PLCH1: variants seen among roughly 807,000 people sequenced by gnomAD.
PLCH1 encodes the protein 1-phosphatidylinositol 4,5-bisphosphate phosphodiesterase eta-1.
PLCH1 carries 60 observed loss-of-function variants against 126.7 expected under a neutral mutation model. The ratio of observed to expected loss-of-function variants is 0.47; its 90% CI spans 0.38 to 0.59. PLCH1 has a LOEUF of 0.59. Ranked by LOEUF, PLCH1 falls within the 20% of genes least tolerant of loss-of-function variation. PLCH1 has a pLI of 0.00. For missense variants in PLCH1, 1,723 were observed against 2,040.0 expected (o/e 0.84, Z 2.99); for synonymous variants, 719 against 734.9 (o/e 0.98, Z 0.35).
intron 1 of PLCH1, among the ~76,000 whole-genome samples, chr3:155,715,606 C>CTTTTT (rs763813354): frequency 8.1e-6 from 1 of 122,762 alleles, no homozygotes; most frequent in South Asian, 2.7e-4. Context: ...CATCTGGCCT[C>CTTTTT]TTTTTTTTTT....
chr3:155,520,100 G>T (rs1477801847), intron 11 of PLCH1, among the ~76,000 whole-genome samples: 1 of 152,172 alleles, frequency 6.6e-6, no homozygotes, highest in African/African-American at 2.4e-5. Flanking sequence ...CTTCCAGGGA[G>T]ATTCCAAGTC....
intron 2 of PLCH1, among the ~76,000 whole-genome samples, chr3:155,655,505 T>C (rs1741256828): frequency 6.6e-6 from 1 of 152,194 alleles, no homozygotes; most frequent in Non-Finnish European, 1.5e-5. Flanking sequence ...CATCTTTATT[T>C]TATTGGATCA....
At position 155,481,750 on chromosome 3, in the gene PLCH1, A is replaced by T; in HGVS notation, c.4276T>A (p.Tyr1426Asn). Residue 1426 changes from tyrosine (Y) to asparagine (N), a missense_variant, in exon 23 of 23, where the codon TAT (tyrosine) becomes AAT (asparagine). Around this residue, in one of 2 missense-constraint regions of PLCH1, gnomAD observed 947 missense variants for 977.1 expected, o/e 0.97. Transcript: ENST00000460012. This position sits in a 1 kb window ranked among gnomAD's most constrained non-coding sequence, Gnocchi z 4.2. ...AAGCCAGCACCCTGATAGGCTAGAT[A>T]AGAAATACTTTGAGTTTTGACATCT... ...IQDVKTQSIS[Y>N]LAYQGAGFVH... 3 of 1,614,196 alleles carry T rather than the reference A, an allele frequency of 1.9e-6. No homozygotes were observed. Among genetic ancestry groups the T allele is most frequent in the Non-Finnish European group, 2.5e-6 (3 of 1,180,018 alleles).
intron 2 of PLCH1, among the ~76,000 whole-genome samples, chr3:155,692,661 C>G (rs772772243): frequency 1.3e-5 from 2 of 152,282 alleles, no homozygotes; most frequent in African/African-American, 4.8e-5. Flanking sequence ...TTTTCCTACT[C>G]TCTCCCGTAG....
chr3:155,565,468 C>G (rs1182512891), intron 7 of PLCH1, among the ~76,000 whole-genome samples: 2 of 151,908 alleles, frequency 1.3e-5, no homozygotes, highest in South Asian at 4.1e-4. Context: ...ATGGCTCTCT[C>G]CACTCCACTC....
chr3:155,518,124 T>C (rs1489156966), intron 11 of PLCH1, among the ~76,000 whole-genome samples: 1 of 152,142 alleles, frequency 6.6e-6, no homozygotes, highest in Admixed American at 6.5e-5. Flanking sequence ...AGTGCAAGAT[T>C]TCATCACACT....
Position 155,482,320 on chromosome 3 carries a change from T to G in PLCH1, c.3706A>C (p.Lys1236Gln). Reference sequence around the variant, plus strand: ...AGGAAGGAAGACTTGGATTTTCCCTTGCAAAAACCATGCTTGATGGGCATT... The same window carrying G: ...AGGAAGGAAGACTTGGATTTTCCCTGGCAAAAACCATGCTTGATGGGCATT... ...LKMPIKHGFC[K>Q]GKSKSSFLCS... Residue 1236 changes from lysine to glutamine, a missense_variant, in exon 23 of 23, where the codon AAG becomes CAG. By Grantham distance (53) the Lys-to-Gln change is moderately conservative. Transcript: ENST00000460012. The G allele has an allele frequency of 6.2e-7, 1 of 1,614,168 alleles. No individual in the cohort carries two copies. The highest frequency in any genetic ancestry group is 8.5e-7 in the Non-Finnish European group (1 of 1,180,022).
intron 2 of PLCH1, among the ~76,000 whole-genome samples, chr3:155,665,330 C>T (rs1742606116): frequency 6.6e-6 from 1 of 152,090 alleles, no homozygotes; most frequent in African/African-American, 2.4e-5. Context: ...AGAGCCTGTG[C>T]CCAGGTCCAG....
chr3:155,720,058 T>G (rs1458643392), intron 1 of PLCH1, among the ~76,000 whole-genome samples: 1 of 152,190 alleles, frequency 6.6e-6, no homozygotes, highest in Non-Finnish European at 1.5e-5. Flanking sequence ...CTTCCCAAAG[T>G]GCTGGGATTA....
chr3:155,606,174 A>C (rs1376935956), intron 2 of PLCH1, among the ~76,000 whole-genome samples: 2 of 152,020 alleles, frequency 1.3e-5, no homozygotes, highest in African/African-American at 4.8e-5. Flanking sequence ...TTTTTTGAGG[A>C]AAAAAAGTTT....
chr3:155,483,935 T>G (rs978391571), intron 22 of PLCH1, among the ~76,000 whole-genome samples: 9 of 152,136 alleles, frequency 5.9e-5, no homozygotes, highest in African/African-American at 2.2e-4. Flanking sequence ...CAACTTGTTA[T>G]TAAATAGTTT....
chr3:155,527,526 T>C (rs1405486259), intron 10 of PLCH1, among the ~76,000 whole-genome samples: 1 of 152,226 alleles, frequency 6.6e-6, no homozygotes, highest in African/African-American at 2.4e-5. Context: ...GGTAAATCAT[T>C]TATATAATGA....
At chr3:155,469,001 G>A (rs1455106932) in intron 21 of PLCH1, among the ~76,000 whole-genome samples, 1 of 152,138 alleles carries the variant, frequency 6.6e-6, no homozygotes, top group Non-Finnish European at 1.5e-5. Context: ...TCATTCTCAA[G>A]GACAGACCAT....
intron 2 of PLCH1, among the ~76,000 whole-genome samples, chr3:155,599,797 G>A (rs996567869): frequency 9.9e-5 from 15 of 152,180 alleles, no homozygotes; most frequent in African/African-American, 3.6e-4. Flanking sequence ...CTATGTATCT[G>A]ACACAGGGTC....
At chr3:155,474,308 CA>C (rs1713420419) in intron 21 of PLCH1, among the ~76,000 whole-genome samples, 2 of 148,100 alleles carry the variant, frequency 1.4e-5, no homozygotes, top group South Asian at 4.6e-4. Flanking sequence ...TTTATGCAGC[CA>C]AAAAACACAT....
At chr3:155,741,289 G>C (rs112503009) in intron 1 of PLCH1, among the ~76,000 whole-genome samples, 1 of 152,286 alleles carries the variant, frequency 6.6e-6, no homozygotes, top group East Asian at 1.9e-4. Flanking sequence ...TGAGAAGAGA[G>C]AACATGCTTC....
chr3:155,556,970 T>A (rs1373553976), intron 8 of PLCH1, among the ~76,000 whole-genome samples: 2 of 151,908 alleles, frequency 1.3e-5, no homozygotes, highest in African/African-American at 4.8e-5. Flanking sequence ...TGTTCAAATA[T>A]CCCTATGGGA....
At chr3:155,526,636 C>T (rs1721988952) in intron 10 of PLCH1, among the ~76,000 whole-genome samples, 1 of 152,082 alleles carries the variant, frequency 6.6e-6, no homozygotes, top group African/African-American at 2.4e-5. Context: ...ACAACAACCA[C>T]TAAAGGAATC....
At chr3:155,714,545 A>T (rs1439148238) in intron 1 of PLCH1, among the ~76,000 whole-genome samples, 1 of 152,202 alleles carries the variant, frequency 6.6e-6, no homozygotes, top group Non-Finnish European at 1.5e-5. Flanking sequence ...GAAAGAAATA[A>T]AAGGGTACTT....
Sources: gnomAD v4.1 joint callset for allele counts (sites outside exome capture counted in the v4.1 genomes callset) on GRCh38, gnomAD v4.1.1 for gene constraint, gnomAD v4.1.1 regional missense constraint, Gnocchi (gnomAD v3.1) non-coding constraint, MANE v1.5 for transcripts, NCBI Gene and HGNC (gene_info 2026-07-23, HGNC 2026-07-21) for gene names.